The following KIAA1549L variants were observed in gnomAD, a reference collection of about 807,000 sequenced individuals.
KIAA1549L encodes UPF0606 protein KIAA1549L.
In KIAA1549L, 88 loss-of-function variants were observed where a neutral mutation model predicts 160.7. That is an observed-to-expected ratio of 0.55 (90% CI 0.46 to 0.65). The LOEUF (loss-of-function observed/expected upper bound fraction) is 0.65. Ranked by LOEUF, KIAA1549L falls within the 30% of genes least tolerant of loss-of-function variation. The pLI, the probability that KIAA1549L is intolerant of heterozygous loss-of-function variation, is 0.00. For synonymous variants in KIAA1549L, 950 were observed against 976.7 expected (o/e 0.97, Z 0.51); for missense variants, 2,258 against 2,437.5 (o/e 0.93, Z 1.55).
intron 15 of KIAA1549L, among the ~76,000 whole-genome samples, chr11:33,613,697 T>G (rs540103379): frequency 2.8e-4 from 42 of 152,250 alleles, no homozygotes; most frequent in Admixed American, 6.5e-4. Context: ...GGATTACATT[T>G]CAACATGAGA....
chr11:33,469,706 A>G (rs1004998034), intron 1 of KIAA1549L, among the ~76,000 whole-genome samples: 5 of 152,098 alleles, frequency 3.3e-5, no homozygotes, highest in African/African-American at 1.2e-4. Context: ...TTTTATTTCA[A>G]CCATCTTAGT....
At chr11:33,485,665 A>G (rs934414634) in intron 1 of KIAA1549L, among the ~76,000 whole-genome samples, 6 of 152,134 alleles carry the variant, frequency 3.9e-5, no homozygotes, top group Non-Finnish European at 8.8e-5. Flanking sequence ...AATCTCAGCA[A>G]TTTTCAAGTG....
At chr11:33,440,857 C>A (rs1376197212) in intron 1 of KIAA1549L, among the ~76,000 whole-genome samples, 3 of 152,096 alleles carry the variant, frequency 2.0e-5, no homozygotes, top group Non-Finnish European at 4.4e-5. Flanking sequence ...GTTTTAATAT[C>A]ACCCTTGTCC....
Position 33,658,871 on chromosome 11 carries a change from T to C in KIAA1549L, c.5980T>C (p.Leu1994=). 6.4e-7 allele frequency: 1 copy of C among 1,560,110 alleles called. No homozygotes were observed. The highest frequency in any genetic ancestry group is 8.7e-7 in the Non-Finnish European group (1 of 1,152,152). Reference sequence around the variant, plus strand: ...CAGAGGCCCTGTGTCCGTGACGCAGTTGGATCAGTCGGCTTTAAATTACTC... The same window carrying C: ...CAGAGGCCCTGTGTCCGTGACGCAGCTGGATCAGTCGGCTTTAAATTACTC... ...MSRGPVSVTQ[L]DQSALNYSGN... The change falls in exon 19 of 21, where the codon TTG becomes CTG. Residue 1994 remains leucine (L), a synonymous_variant. Coordinates refer to ENST00000658780, the MANE Select transcript of KIAA1549L (RefSeq NM_012194.3).
At chr11:33,519,033 C>T (rs975579483) in intron 1 of KIAA1549L, among the ~76,000 whole-genome samples, 11 of 152,126 alleles carry the variant, frequency 7.2e-5, no homozygotes, top group African/African-American at 2.7e-4. Flanking sequence ...GGATGCTCAA[C>T]CTGTACTCAT....
intron 9 of KIAA1549L, among the ~76,000 whole-genome samples, chr11:33,570,006 C>CTCTTT (rs377114558): frequency 8.9e-5 from 12 of 134,554 alleles, no homozygotes; most frequent in African/African-American, 1.7e-4. Context: ...CTCTCTCTCT[C>CTCTTT]TTTTTTTTTT....
intron 12 of KIAA1549L, among the ~76,000 whole-genome samples, chr11:33,598,442 C>G (rs2133303618): frequency 6.6e-6 from 1 of 152,272 alleles, no homozygotes; most frequent in African/African-American, 2.4e-5. Context: ...TGGAAATTCC[C>G]ATGTGATTTA....
chr11:33,532,849 G>A (rs1853805969), intron 1 of KIAA1549L, among the ~76,000 whole-genome samples: 1 of 152,210 alleles, frequency 6.6e-6, no homozygotes, highest in African/African-American at 2.4e-5. Flanking sequence ...GGGAAATGCA[G>A]CCATGCTTAT....
chr11:33,666,178 C>T (rs940239629), intron 20 of KIAA1549L, among the ~76,000 whole-genome samples: 1 of 152,040 alleles, frequency 6.6e-6, no homozygotes, highest in African/African-American at 2.4e-5. Context: ...CTCCTGCCTG[C>T]TCCATAGAGC....
chr11:33,385,800 C>A (rs1332541776), intron 1 of KIAA1549L, among the ~76,000 whole-genome samples: 3 of 150,842 alleles, frequency 2.0e-5, no homozygotes, highest in Non-Finnish European at 4.4e-5. Flanking sequence ...GGTATTCTTT[C>A]TTTTCTCTCA....
At chr11:33,564,858 A>G (rs1364397509) in intron 8 of KIAA1549L, among the ~76,000 whole-genome samples, 1 of 152,260 alleles carries the variant, frequency 6.6e-6, no homozygotes, top group Non-Finnish European at 1.5e-5. Context: ...TCCAACTGCA[A>G]ATAAAACAAT....
At chr11:33,481,040 T>C (rs1852401372) in intron 1 of KIAA1549L, among the ~76,000 whole-genome samples, 1 of 152,226 alleles carries the variant, frequency 6.6e-6, no homozygotes, top group Admixed American at 6.5e-5. Context: ...TGTTCAGTGG[T>C]AGTTTAAAGT....
rs145625494 is a variant in KIAA1549L, at chr11:33,471,905, G to A, written c.239-69897G>A. 5.7e-3 allele frequency among the ~76,000 whole-genome samples: 866 copies of A among 152,318 alleles called. 14 individuals are homozygous for A. Among genetic ancestry groups the A allele is most frequent in the African/African-American group, 0.02 (811 of 41,568 alleles). On this transcript the variant is annotated intron_variant, in intron 1 of 20. Transcript: ENST00000658780. ...TCAGAACCTTATGAACAGTCTCATG[G>A]AAGTAAGCAGACAATGGCTTAAGCA...
intron 1 of KIAA1549L, among the ~76,000 whole-genome samples, chr11:33,492,865 T>A (rs1380808874): frequency 2.0e-5 from 3 of 149,670 alleles, no homozygotes; most frequent in Admixed American, 6.6e-5. Context: ...TGGAGGAACT[T>A]TTTTTTCTGC....
chr11:33,480,333 G>A (rs72911174), intron 1 of KIAA1549L, among the ~76,000 whole-genome samples: 1 of 152,136 alleles, frequency 6.6e-6, no homozygotes, highest in Non-Finnish European at 1.5e-5. Flanking sequence ...AGGTTTGCAG[G>A]GCTCAGCCGT....
Position 33,574,086 on chromosome 11 carries a change from C to T in KIAA1549L, c.4231-616C>T, listed in dbSNP as rs1328462039. ...CAAAAACGAAGAATGGAAGCAAATA[C>T]TCTATAATGGCAACAGTAATTAGCT... On this transcript the variant is annotated intron_variant, in intron 9 of 20. Transcript: ENST00000658780. Among the ~76,000 whole-genome samples, 4 of 151,974 alleles carry T rather than the reference C, an allele frequency of 2.6e-5. No homozygotes were observed. The East Asian group carries it at 7.7e-4, about 29-fold the overall frequency.
chr11:33,449,391 G>A (rs1851676591), intron 1 of KIAA1549L, among the ~76,000 whole-genome samples: 1 of 152,094 alleles, frequency 6.6e-6, no homozygotes, highest in Admixed American at 6.5e-5. Context: ...TTTATTAACT[G>A]AGACTTGCCT....
At chr11:33,388,611 C>T (rs182506855) in intron 1 of KIAA1549L, among the ~76,000 whole-genome samples, 3 of 152,126 alleles carry the variant, frequency 2.0e-5, no homozygotes, top group East Asian at 3.9e-4. Context: ...TTGCTTTTCC[C>T]GTTAACACTA....
At chr11:33,520,679 C>A (rs1853463007) in intron 1 of KIAA1549L, among the ~76,000 whole-genome samples, 1 of 111,198 alleles carries the variant, frequency 9.0e-6, no homozygotes, top group African/African-American at 4.4e-5. Flanking sequence ...ACACCCCCCA[C>A]CCCCAACACA....
Sources: allele counts gnomAD v4.1 joint callset (sites outside exome capture counted in the v4.1 genomes callset), GRCh38; gene constraint gnomAD v4.1.1; transcripts MANE v1.5; gene names NCBI Gene and HGNC (gene_info 2026-07-23, HGNC 2026-07-21).